The following YTHDC2 variants were observed in gnomAD, a reference collection of about 807,000 sequenced individuals.
YTHDC2 encodes the protein 3'-5' RNA helicase YTHDC2.
A neutral mutation model predicts 174.9 loss-of-function variants in YTHDC2; 45 were observed. The observed-to-expected ratio is 0.26, with a 90% CI of 0.20 to 0.33. YTHDC2 has a LOEUF of 0.33. YTHDC2 is among the 10% of genes least tolerant of loss of function. The pLI is 1.00. For missense variants in YTHDC2, 1,650 were observed against 1,723.7 expected, an observed-to-expected ratio of 0.96 and a Z score of 0.76; for synonymous variants, 657 against 574.5, an observed-to-expected ratio of 1.14 and a Z score of -2.05.
chr5:113,517,521 G>T (rs1773520748), intron 2 of YTHDC2: 11 of 455,808 alleles, frequency 2.4e-5, no homozygotes, highest in South Asian at 1.7e-4. Context: ...AATTCAAGAA[G>T]GAAGTTATGG....
chr5:113,566,152 G>A (rs916934978), intron 21 of YTHDC2, 133 bp downstream of exon 21: 1 of 1,067,082 alleles, frequency 9.4e-7, no homozygotes. Flanking sequence ...TTATATTCAT[G>A]CATGATTTGT....
intron 6 of YTHDC2, among the ~76,000 whole-genome samples, chr5:113,534,743 T>C (rs974113843): frequency 1.3e-5 from 2 of 152,170 alleles, no homozygotes; most frequent in Non-Finnish European, 2.9e-5. Context: ...ATTTCTTTTA[T>C]CTCTATACTT....
chr5:113,576,764 G>A (rs753565226), intron 23 of YTHDC2, among the ~76,000 whole-genome samples: 1 of 151,842 alleles, frequency 6.6e-6, no homozygotes, highest in African/African-American at 2.4e-5. Context: ...TTGAATGATA[G>A]CGTTATAATT....
intron 10 of YTHDC2, among the ~76,000 whole-genome samples, chr5:113,544,886 T>A (rs1178426896): frequency 6.6e-6 from 1 of 152,150 alleles, no homozygotes; most frequent in African/African-American, 2.4e-5. Flanking sequence ...TACTCTTTAC[T>A]GGTATTAATT....
intron 12 of YTHDC2, among the ~76,000 whole-genome samples, chr5:113,551,938 G>T (rs529631385): frequency 2.5e-4 from 38 of 152,210 alleles, no homozygotes; most frequent in Non-Finnish European, 4.1e-4. Context: ...ATAAGATGAA[G>T]AAGCAAGGCA....
rs757154714 is a variant in YTHDC2 at position 113,541,105 on chromosome 5, T to G, written c.1348T>G (p.Phe450Val). ...DLLDDGGDAV[F>V]SQLTEKDVNC... ...ACTGGATGATGGTGGTGATGCTGTC[T>G]TCAGTCAGCTGGTATGACCTCCCTG... Residue 450 changes from phenylalanine to valine, a missense_variant, in exon 9 of 30, where the codon TTC becomes GTC. By Grantham distance (50) the Phe-to-Val change is conservative. Around this residue, in one of 5 missense-constraint regions of YTHDC2, gnomAD observed 411 missense variants for 380.6 expected, o/e 1.08. Coordinates refer to ENST00000161863, the MANE Select transcript of YTHDC2 (RefSeq NM_022828.5). 1.2e-6 allele frequency: 2 copies of G among 1,614,152 alleles called. No individual in the cohort carries two copies. The highest frequency in any genetic ancestry group is 1.7e-6 in the Non-Finnish European group (2 of 1,180,012).
chr5:113,581,737 G>A, intron 25 of YTHDC2, 28 bp downstream of exon 25: 1 of 1,428,776 alleles, frequency 7.0e-7, no homozygotes, highest in Non-Finnish European at 9.2e-7. Flanking sequence ...TACCAAAATG[G>A]GTCACTTTTT....
At chr5:113,583,048 T>C (rs1453215994) in intron 25 of YTHDC2, 1 of 152,200 alleles carries the variant, frequency 6.6e-6, no homozygotes, top group Non-Finnish European at 1.5e-5. Flanking sequence ...TATTCTGTGG[T>C]AGAGTTATTC....
At chr5:113,524,935 C>A in intron 2 of YTHDC2, 46 bp from the exon 3 acceptor site, 1 of 1,397,508 alleles carries the variant, frequency 7.2e-7, no homozygotes, top group Non-Finnish European at 9.6e-7. Flanking sequence ...CATATGTGAA[C>A]AAGTTGACTT....
intron 12 of YTHDC2, among the ~76,000 whole-genome samples, chr5:113,549,671 A>G (rs887852754): frequency 2.0e-5 from 3 of 152,134 alleles, no homozygotes; most frequent in Non-Finnish European, 2.9e-5. Flanking sequence ...AATTTGCCGT[A>G]TCTGATATTA....
intron 21 of YTHDC2, among the ~76,000 whole-genome samples, chr5:113,566,627 C>G (rs67382821): frequency 0.11 from 17,445 of 151,840 alleles, 1,121 homozygotes; most frequent in African/African-American, 0.14. Context: ...TAAGAGTTGA[C>G]TTGAACATAA....
chr5:113,534,815 T>G (rs1774945464), intron 6 of YTHDC2, among the ~76,000 whole-genome samples: 1 of 152,142 alleles, frequency 6.6e-6, no homozygotes, highest in African/African-American at 2.4e-5. Flanking sequence ...ACTAATAAAC[T>G]CCATGATTAA....
intron 23 of YTHDC2, among the ~76,000 whole-genome samples, chr5:113,571,577 G>A (rs1161172401): frequency 6.6e-6 from 1 of 152,108 alleles, no homozygotes; most frequent in Non-Finnish European, 1.5e-5. Flanking sequence ...TGTACTTCTG[G>A]TAGAATTCAG....
At chr5:113,541,555 C>G (rs1561648880) in intron 9 of YTHDC2, among the ~76,000 whole-genome samples, 1 of 151,984 alleles carries the variant, frequency 6.6e-6, no homozygotes, top group Non-Finnish European at 1.5e-5. Context: ...TAGACCACAA[C>G]CAATTTTTCA....
At position 113,514,323 on chromosome 5, in the gene YTHDC2, A is replaced by C. The variant is rs781481772; in HGVS notation, c.187+241A>C. ...TATGGGCACTTTGCTCCCTAGCTGA[A>C]AGTGTTTTTCCCCCGCGTCTTTCAG... is the stretch of plus-strand genomic sequence containing the variant. On this transcript the variant is annotated intron_variant, in intron 1 of 29. Transcript: ENST00000161863. The C allele has an allele frequency of 4.3e-6, 3 of 690,198 alleles. No individual in the cohort carries two copies. In the South Asian group the frequency reaches 4.5e-5, roughly 10 times the overall value. 42.8% of individuals were successfully genotyped at this position (690,198 alleles called of 1,614,324 possible).
chr5:113,564,850 G>A lies in YTHDC2; in HGVS notation c.2715+719G>A, dbSNP rs148809591. Among the ~76,000 whole-genome samples the A allele has an allele frequency of 4.8e-3, 732 of 152,216 alleles. 9 individuals are homozygous for A. Among genetic ancestry groups the A allele is most frequent in the African/African-American group, 0.017 (702 of 41,530 alleles). On this transcript the variant is annotated intron_variant, in intron 20 of 29. Coordinates refer to ENST00000161863, the MANE Select transcript of YTHDC2 (RefSeq NM_022828.5). ...TTGTTTTTTGAGACAGTCTTGCTCT[G>A]TCACCCAGGCTGGAGTGCAGTGGCA...
At chr5:113,589,858 A>G (rs35093510) in intron 26 of YTHDC2, among the ~76,000 whole-genome samples, 18,929 of 152,128 alleles carry the variant, frequency 0.12, 1,475 homozygotes, top group Non-Finnish European at 0.18. Context: ...AATTACATCA[A>G]CTCTGTCATC....
rs747074034 is a variant in YTHDC2, at chr5:113,561,017, G to A, written c.2217-63G>A. 2.6e-5 allele frequency: 35 copies of A among 1,349,746 alleles called. No individual in the cohort carries two copies. The South Asian group carries it at 3.5e-4, about 14-fold the overall frequency. 83.6% of individuals were successfully genotyped at this position (1,349,746 alleles called of 1,614,324 possible). A position where few individuals can be genotyped will look rare whatever the true frequency, so the allele number is the denominator to read the frequency against. On this transcript the variant is annotated intron_variant, in intron 17 of 29. Coordinates refer to ENST00000161863, the MANE Select transcript of YTHDC2 (RefSeq NM_022828.5). ...TTTTCTCTTTCCTAAATCACATTGC[G>A]TTTACAGTTTATTGTAGCCTTTATT...
intron 18 of YTHDC2, 136 bp downstream of exon 18, chr5:113,561,321 T>C: frequency 1.8e-6 from 1 of 547,264 alleles, no homozygotes; most frequent in Non-Finnish European, 3.1e-6. Context: ...GGAGGGTGGC[T>C]ATGTCTATAA....
Sources: gnomAD v4.1 joint callset for allele counts (sites outside exome capture counted in the v4.1 genomes callset) on GRCh38, gnomAD v4.1.1 for gene constraint, gnomAD v4.1.1 regional missense constraint, MANE v1.5 for transcripts, NCBI Gene and HGNC (gene_info 2026-07-23, HGNC 2026-07-21) for gene names.